Variants in STS observed in about 807,000 individuals in gnomAD.
The protein encoded by STS is steroid sulfatase.
In STS, 7 loss-of-function variants were observed where a neutral mutation model predicts 26.8. The observed-to-expected ratio is 0.26, with a 90% confidence interval of 0.15 to 0.49. STS has a LOEUF of 0.49. STS is among the 20% of genes least tolerant of loss of function. The pLI, the probability that STS is intolerant of heterozygous loss-of-function variation, is 0.98. For synonymous variants in STS, 199 were observed against 189.4 expected (o/e 1.05, Z -0.42); for missense variants, 434 against 465.6 (o/e 0.93, Z 0.63).
chrX:7,217,749 AGGCTAGAGTCCCTTCCCCAG>A (rs1344913554), intron 2 of STS, among the ~76,000 whole-genome samples: 1 of 111,450 alleles, frequency 9.0e-6, no homozygotes, highest in African/African-American at 3.3e-5. Flanking sequence ...CTGCTTCACC[AGGCTAGAGTCCCTTCCCCAG>A]GGCCCAGTAA....
intron 1 of STS, among the ~76,000 whole-genome samples, chrX:7,181,315 C>A (rs905895746): frequency 1.8e-5 from 2 of 112,186 alleles, no homozygotes; most frequent in African/African-American, 6.5e-5. Context: ...GTTAAAAATA[C>A]AAATACCAGT....
chrX:7,159,928 A>G (rs1601620340), intron 1 of STS, among the ~76,000 whole-genome samples: 2 of 112,207 alleles, frequency 1.8e-5, no homozygotes, highest in Admixed American at 9.5e-5. Flanking sequence ...ACACACGATG[A>G]GCGTTCGGCT....
intron 2 of STS, among the ~76,000 whole-genome samples, chrX:7,218,778 G>A (rs1418323809): frequency 1.8e-5 from 2 of 112,246 alleles, no homozygotes; most frequent in African/African-American, 3.2e-5. Flanking sequence ...GGTGGAATGC[G>A]ACAATGTCGG....
chrX:7,304,264 T>C (rs138323620), intron 7 of STS, among the ~76,000 whole-genome samples: 24 of 112,069 alleles, frequency 2.1e-4, no homozygotes, highest in East Asian at 1.4e-3. Context: ...ACTCATAGGG[T>C]TCAGTGTGGT....
chrX:7,350,203 C>A lies in STS; in HGVS notation c.1679C>A (p.Ser560Tyr). 8.3e-7 allele frequency: 1 copy of A among 1,211,574 alleles called. No homozygotes were observed. Among genetic ancestry groups the A allele is most frequent in the African/African-American group, 1.7e-5 (1 of 57,894 alleles). Residue 560 changes from serine to tyrosine, a missense_variant, in exon 11 of 11, where the codon TCC (serine) becomes TAC (tyrosine). By Grantham distance (144) the Ser-to-Tyr change is moderately radical. This residue lies in a region of STS where 205 missense variants were observed against 177.3 expected (regional missense o/e 1.16). Coordinates refer to ENST00000674429, the MANE Select transcript of STS (RefSeq NM_001320752.2). ...WKPWLQLCCPSTGLSCQCDRE... is the reference protein window; with the variant it reads ...WKPWLQLCCPYTGLSCQCDRE... ...CCCTGGCTTCAGCTGTGCTGTCCTT[C>A]CACCGGCCTGTCTTGCCAGTGTGAT...
intron 2 of STS, among the ~76,000 whole-genome samples, chrX:7,225,548 C>T (rs1921763046): frequency 9.0e-6 from 1 of 111,460 alleles, no homozygotes; most frequent in Non-Finnish European, 1.9e-5. Context: ...AGACTCAGTG[C>T]CCAGGTTTTT....
chrX:7,269,152 GA>G (rs796221983), intron 6 of STS, among the ~76,000 whole-genome samples: 40 of 90,569 alleles, frequency 4.4e-4, no homozygotes, highest in Admixed American at 8.9e-4. Context: ...CCCTGTCTCT[GA>G]AAAAAAAAAA....
At chrX:7,148,847 A>G (rs775896152) in intron 1 of STS, among the ~76,000 whole-genome samples, 33 of 111,658 alleles carry the variant, frequency 3.0e-4, no homozygotes, top group South Asian at 7.4e-4. Context: ...AACAGTCAAC[A>G]TGTCTTGCTG....
intron 2 of STS, among the ~76,000 whole-genome samples, chrX:7,252,509 A>G (rs1312016138): frequency 1.8e-5 from 2 of 111,626 alleles, no homozygotes; most frequent in Non-Finnish European, 3.8e-5. Context: ...GGGCAGCAAA[A>G]CCTCAAGAGT....
At chrX:7,292,122 G>A (rs958327755) in intron 7 of STS, among the ~76,000 whole-genome samples, 3 of 112,877 alleles carry the variant, frequency 2.7e-5, no homozygotes, top group Non-Finnish European at 5.6e-5. Flanking sequence ...TTGGTTTTGC[G>A]TAGTGCTGCC....
chrX:7,148,252 C>A (rs754807590), intron 1 of STS, 169 bp downstream of exon 1: 3 of 323,287 alleles, frequency 9.3e-6, no homozygotes, highest in Non-Finnish European at 1.6e-5. Context: ...TCGCCCGGCT[C>A]CGAGCCCGCG....
intron 2 of STS, among the ~76,000 whole-genome samples, chrX:7,205,656 T>C (rs1322388376): frequency 1.1e-5 from 1 of 91,842 alleles, no homozygotes; most frequent in Non-Finnish European, 2.2e-5. Flanking sequence ...TTTTTTTTTT[T>C]GAGACAGTTT....
intron 9 of STS, among the ~76,000 whole-genome samples, chrX:7,331,958 C>T (rs1927770757): frequency 9.6e-6 from 1 of 103,799 alleles, no homozygotes; most frequent in Admixed American, 1.0e-4. Flanking sequence ...GCAGAATAAA[C>T]TTTGTGCCCC....
At chrX:7,305,794 C>T (rs1394757831) in intron 8 of STS, among the ~76,000 whole-genome samples, 2 of 111,759 alleles carry the variant, frequency 1.8e-5, no homozygotes, top group African/African-American at 6.5e-5. Flanking sequence ...CTCTGACACC[C>T]CTGCCTCCCT....
Position 7,351,395 on chromosome X carries a change from T to G in STS, c.*1134T>G, listed in dbSNP as rs1287590238. The G allele has an allele frequency of 8.9e-6, 1 of 112,154 alleles. No individual in the cohort carries two copies. 9.2% of individuals were successfully genotyped at this position (112,154 alleles called of 1,213,427 possible). ...CAATCCACAATGAGATGCATGATTT[T>G]GTTTTCATCCCATTTCCCCCAAGCC... On this transcript the variant is annotated 3_prime_UTR_variant, in exon 11 of 11. Coordinates refer to ENST00000674429, the MANE Select transcript of STS (RefSeq NM_001320752.2).
intron 2 of STS, among the ~76,000 whole-genome samples, chrX:7,236,917 A>G (rs1440437097): frequency 9.1e-6 from 1 of 109,847 alleles, no homozygotes; most frequent in Non-Finnish European, 1.9e-5. Context: ...ATTCTTGATA[A>G]CCTGTTTTAC....
intron 9 of STS, among the ~76,000 whole-genome samples, chrX:7,325,982 A>G (rs1389901397): frequency 8.9e-6 from 1 of 112,002 alleles, no homozygotes; most frequent in Non-Finnish European, 1.9e-5. Flanking sequence ...TTTTACACAG[A>G]AAGGCAGGGG....
At chrX:7,269,604 C>T (rs575099830) in intron 6 of STS, among the ~76,000 whole-genome samples, 11 of 110,462 alleles carry the variant, frequency 1.0e-4, no homozygotes, top group South Asian at 3.9e-4. Flanking sequence ...TGGCAGGGTC[C>T]GGTCCAGTCT....
chrX:7,293,708 A>T (rs1053610813), intron 7 of STS, among the ~76,000 whole-genome samples: 3 of 112,025 alleles, frequency 2.7e-5, no homozygotes, highest in African/African-American at 6.5e-5. Context: ...AGAATGAAGG[A>T]TATGTAGATA....
Sources: allele counts gnomAD v4.1 joint callset (sites outside exome capture counted in the v4.1 genomes callset), GRCh38; gene constraint gnomAD v4.1.1; regional missense constraint gnomAD v4.1.1; transcripts MANE v1.5; gene names NCBI Gene and HGNC (gene_info 2026-07-23, HGNC 2026-07-21).